The following UAP1 variants were observed in gnomAD, a reference collection of about 807,000 sequenced individuals.
UAP1 encodes UDP-N-acetylhexosamine pyrophosphorylase.
Under a neutral mutation model 58.5 loss-of-function variants are expected in UAP1, and 25 were observed. That is an observed-to-expected ratio of 0.43 (90% CI 0.31 to 0.60). The LOEUF (loss-of-function observed/expected upper bound fraction) is 0.60. UAP1 is among the 20% of genes least tolerant of loss of function. The pLI is 0.11. For missense variants in UAP1, 575 were observed against 630.0 expected, an observed-to-expected ratio of 0.91 and a Z score of 0.93; for synonymous variants, 208 against 213.0, an observed-to-expected ratio of 0.98 and a Z score of 0.21.
In UAP1 at chr1:162,598,872, C is replaced by T. The variant is rs189558065; in HGVS notation, c.1477-399C>T. On this transcript the variant is annotated intron_variant, in intron 10 of 10. Transcript: ENST00000271469. The stretch of plus-strand genomic sequence containing the variant: ...CTACTAAAAAATACAAAAACTTAGA[C>T]GGGTGTGATGGCAGGCGCCTGTAGT... Among the ~76,000 whole-genome samples the T allele has an allele frequency of 7.1e-4, 108 of 151,984 alleles. 1 individual carries two copies. Among genetic ancestry groups the T allele is most frequent in the African/African-American group, 2.4e-3 (99 of 41,456 alleles).
intron 8 of UAP1, among the ~76,000 whole-genome samples, chr1:162,591,627 A>G (rs1053736437): frequency 1.3e-5 from 2 of 151,818 alleles, no homozygotes; most frequent in African/African-American, 4.8e-5. Flanking sequence ...CTGGGGTTAC[A>G]CTCGCCTGCC....
chr1:162,595,676 A>G (rs1404470551), intron 9 of UAP1, among the ~76,000 whole-genome samples: 1 of 152,198 alleles, frequency 6.6e-6, no homozygotes, highest in African/African-American at 2.4e-5. Flanking sequence ...AGTATCTTAT[A>G]CAAGAGAAAT....
chr1:162,592,854 G>C lies in UAP1; in HGVS notation c.1409+72G>C, dbSNP rs41271991. ...TCCCTCCATACTAACTGGCATCGTA[G>C]TTTAGTGCTCTGCCTTTTGGGGGTC... is the stretch of plus-strand genomic sequence containing the variant. On this transcript the variant is annotated intron_variant, in intron 9 of 10. Transcript: ENST00000271469. The C allele has an allele frequency of 2.6e-3, 3,569 of 1,367,134 alleles. 8 individuals are homozygous for C. The highest frequency in any genetic ancestry group is 3.5e-3 in the Non-Finnish European group (3,412 of 981,304). 84.7% of individuals were successfully genotyped at this position (1,367,134 alleles called of 1,614,324 possible). A position where few individuals can be genotyped will look rare whatever the true frequency, so the allele number is the denominator to read the frequency against.
At chr1:162,566,981 A>G (rs975742305) in intron 2 of UAP1, among the ~76,000 whole-genome samples, 1 of 152,070 alleles carries the variant, frequency 6.6e-6, no homozygotes. Context: ...CATATTTCCA[A>G]TCAACATTTT....
chr1:162,586,396 G>A (rs1274957155), intron 5 of UAP1, among the ~76,000 whole-genome samples: 3 of 152,082 alleles, frequency 2.0e-5, no homozygotes, highest in African/African-American at 4.8e-5. Context: ...GTGCAATCAC[G>A]TTTCACTGTA....
At chr1:162,599,760 T>C (rs2101856563) in exon 11 of UAP1, 1 of 154,506 alleles carries the variant, frequency 6.5e-6, no homozygotes, top group South Asian at 2.1e-4. Flanking sequence ...ACTAAAAGTT[T>C]GTTTTATTTT....
chr1:162,590,439 A>C, exon 8 of UAP1: 1 of 1,613,498 alleles, frequency 6.2e-7, no homozygotes, highest in Non-Finnish European at 8.5e-7. Flanking sequence ...ATGTCCCTTC[A>C]TCATTGCTGG....
intron 6 of UAP1, chr1:162,587,957 A>T (rs971337261): frequency 3.1e-5 from 8 of 258,984 alleles, no homozygotes; most frequent in African/African-American, 1.8e-4. Context: ...GAAGCAAAGC[A>T]TAAGAAATGA....
rs1653473730 is a variant in UAP1, at chr1:162,566,083, C to A, written c.15C>A (p.Asp5Glu). ...ATTAGAGCATTATGAACATTAATGA[C>A]CTCAAACTCACGTTGTCCAAAGCTG... is the stretch of plus-strand genomic sequence containing the variant. The change falls in exon 2 of 11, where the codon GAC (aspartate) becomes GAA (glutamate). Residue 5 changes from aspartate (D) to glutamate (E), a missense_variant. Coordinates refer to ENST00000271469, the Ensembl canonical transcript of UAP1. 6 of 1,612,068 alleles carry A rather than the reference C, an allele frequency of 3.7e-6. No homozygotes were observed. Among genetic ancestry groups the A allele is most frequent in the South Asian group, 3.3e-5 (3 of 90,988 alleles).
At chr1:162,564,875 T>A (rs1234352501) in intron 1 of UAP1, among the ~76,000 whole-genome samples, 1 of 152,122 alleles carries the variant, frequency 6.6e-6, no homozygotes, top group East Asian at 1.9e-4. Flanking sequence ...TCTGCTTGTT[T>A]CCTAATCTTT....
intron 2 of UAP1, among the ~76,000 whole-genome samples, chr1:162,568,865 A>G (rs1653689986): frequency 6.6e-6 from 1 of 152,214 alleles, no homozygotes; most frequent in Non-Finnish European, 1.5e-5. Context: ...AACATAAGCC[A>G]CAATTAAGGT....
At chr1:162,578,671 T>G (rs374777094) in intron 3 of UAP1, among the ~76,000 whole-genome samples, 1 of 152,328 alleles carries the variant, frequency 6.6e-6, no homozygotes, top group East Asian at 1.9e-4. Flanking sequence ...TCTAAATATA[T>G]CCAAACCTTT....
chr1:162,564,045 T>G (rs939666536), intron 1 of UAP1, among the ~76,000 whole-genome samples: 1 of 152,222 alleles, frequency 6.6e-6, no homozygotes, highest in African/African-American at 2.4e-5. Flanking sequence ...AAAGACTACA[T>G]TCCTTGGAAA....
exon 5 of UAP1, chr1:162,581,335 A>T: frequency 1.2e-6 from 2 of 1,613,834 alleles, no homozygotes; most frequent in Non-Finnish European, 1.7e-6. Flanking sequence ...AATATTGTGG[A>T]GGATATGGAG....
intron 5 of UAP1, among the ~76,000 whole-genome samples, chr1:162,585,299 C>T (rs997487847): frequency 1.3e-5 from 2 of 151,884 alleles, no homozygotes; most frequent in Admixed American, 1.3e-4. Context: ...CTCTTGTTGC[C>T]CCAGCTGGAG....
At chr1:162,587,798 A>G in intron 6 of UAP1, 130 bp downstream of exon 6, 3 of 876,736 alleles carry the variant, frequency 3.4e-6, no homozygotes, top group Non-Finnish European at 5.3e-6. Context: ...CACTTATCAA[A>G]TGGACATTTA....
intron 2 of UAP1, among the ~76,000 whole-genome samples, chr1:162,567,878 C>T (rs1297394061): frequency 6.6e-6 from 1 of 152,120 alleles, no homozygotes; most frequent in African/African-American, 2.4e-5. Flanking sequence ...CTCACTGCAA[C>T]TTCGCCTCTT....
chr1:162,583,146 CTTTTTTTTT>C (rs11376471), intron 5 of UAP1, among the ~76,000 whole-genome samples: 14 of 68,042 alleles, frequency 2.1e-4, no homozygotes, highest in African/African-American at 8.7e-4. Context: ...TGGTGTCACT[CTTTTTTTTT>C]TTTTTTTTTT....
chr1:162,594,979 G>C (rs1655534050), intron 9 of UAP1, among the ~76,000 whole-genome samples: 1 of 152,204 alleles, frequency 6.6e-6, no homozygotes. Context: ...TTATGTAAAA[G>C]AGGGAAGAAG....
Sources: allele counts gnomAD v4.1 joint callset (sites outside exome capture counted in the v4.1 genomes callset), GRCh38; gene constraint gnomAD v4.1.1; transcripts MANE v1.5; gene names NCBI Gene and HGNC (gene_info 2026-07-23, HGNC 2026-07-21).